COG6: variants seen among roughly 807,000 people sequenced by gnomAD.
The protein encoded by COG6 is component of oligomeric golgi complex 6.
A neutral mutation model predicts 88.8 loss-of-function variants in COG6; 74 were observed. That is an observed-to-expected ratio of 0.83 (90% confidence interval 0.69 to 1.01). The LOEUF is 1.01. Among genes scored for constraint, COG6 ranks in the 50% least tolerant of loss-of-function variants. The pLI is 0.00. For synonymous variants in COG6, 286 were observed against 278.7 expected (o/e 1.03, Z -0.26); for missense variants, 800 against 797.9 (o/e 1.00, Z -0.03).
chr13:39,697,867 A>G (rs778185812), intron 12 of COG6, among the ~76,000 whole-genome samples: 1 of 151,932 alleles, frequency 6.6e-6, no homozygotes, highest in Non-Finnish European at 1.5e-5. Flanking sequence ...ATAGTTATTT[A>G]CCAGAACTCT....
chr13:39,679,650 T>A (rs1180242346), intron 6 of COG6, 30 bp downstream of exon 6: 1 of 1,354,850 alleles, frequency 7.4e-7, no homozygotes, highest in Admixed American at 1.7e-5. Flanking sequence ...ACTAATTGCA[T>A]TGCTGCTTAT....
intron 18 of COG6, among the ~76,000 whole-genome samples, chr13:39,741,290 C>A (rs995074360): frequency 6.6e-6 from 1 of 151,906 alleles, no homozygotes; most frequent in Admixed American, 6.6e-5. Flanking sequence ...TTCAGAAAGT[C>A]GATAATAACA....
At position 39,659,813 on chromosome 13, in the gene COG6, C is replaced by T. The variant is rs530506934; in HGVS notation, c.297+306C>T. 2.0e-5 allele frequency among the ~76,000 whole-genome samples: 3 copies of T among 152,196 alleles called. 1 individual carries two copies. The South Asian group carries it at 6.2e-4, about 32-fold the overall frequency. On this transcript the variant is annotated intron_variant, in intron 2 of 18. Transcript: ENST00000455146. Reference sequence around the variant, plus strand: ...CTGAATGGCTTTCCAATAGAAATATCCCCTCATTGCATAAACCTCTCTTGG... The same window carrying T: ...CTGAATGGCTTTCCAATAGAAATATTCCCTCATTGCATAAACCTCTCTTGG...
At chr13:39,703,656 A>G (rs1445986868) in intron 13 of COG6, among the ~76,000 whole-genome samples, 1 of 152,130 alleles carries the variant, frequency 6.6e-6, no homozygotes, top group Non-Finnish European at 1.5e-5. Context: ...TTTAGAATTT[A>G]ATATATAATA....
At chr13:39,735,537 C>T (rs1476155163) in intron 18 of COG6, among the ~76,000 whole-genome samples, 1 of 152,084 alleles carries the variant, frequency 6.6e-6, no homozygotes, top group Non-Finnish European at 1.5e-5. Context: ...GAGTAGTTTA[C>T]ACACCATGGT....
At chr13:39,670,271 T>G (rs549483815) in intron 4 of COG6, among the ~76,000 whole-genome samples, 1 of 152,234 alleles carries the variant, frequency 6.6e-6, no homozygotes, top group South Asian at 2.1e-4. Flanking sequence ...TGAACATACC[T>G]TTGTATTTTT....
At chr13:39,693,479 T>C (rs1326327208) in intron 11 of COG6, among the ~76,000 whole-genome samples, 1 of 152,018 alleles carries the variant, frequency 6.6e-6, no homozygotes, top group Non-Finnish European at 1.5e-5. Context: ...TTTGCTGTAA[T>C]AATTATATTA....
At chr13:39,655,994 G>A in intron 1 of COG6, 115 bp downstream of exon 1, 1 of 1,305,540 alleles carries the variant, frequency 7.7e-7, no homozygotes, top group Non-Finnish European at 1.1e-6. Context: ...CAGAGGGACC[G>A]CGAGTGACCC....
intron 11 of COG6, among the ~76,000 whole-genome samples, chr13:39,690,275 T>G (rs539694648): frequency 1.4e-4 from 22 of 152,138 alleles, no homozygotes; most frequent in South Asian, 4.1e-4. Flanking sequence ...CTGTTTATAG[T>G]GCAAGGAACA....
chr13:39,778,145 A>T (rs910359957), intron 18 of COG6, among the ~76,000 whole-genome samples: 7 of 152,242 alleles, frequency 4.6e-5, no homozygotes, highest in Non-Finnish European at 8.8e-5. Context: ...TATAAAAAAT[A>T]GTTAATACTT....
At chr13:39,709,528 T>C (rs1365637668) in intron 13 of COG6, among the ~76,000 whole-genome samples, 1 of 151,010 alleles carries the variant, frequency 6.6e-6, no homozygotes, top group Non-Finnish European at 1.5e-5. Flanking sequence ...CTCCCACTTA[T>C]AAGAACATGC....
At chr13:39,720,240 T>C (rs1260005734) in intron 15 of COG6, among the ~76,000 whole-genome samples, 2 of 152,128 alleles carry the variant, frequency 1.3e-5, no homozygotes, top group Non-Finnish European at 2.9e-5. Context: ...AGGACAGATA[T>C]ATTTTTATCT....
At chr13:39,747,488 G>T (rs1880407370) in intron 18 of COG6, among the ~76,000 whole-genome samples, 1 of 151,724 alleles carries the variant, frequency 6.6e-6, no homozygotes, top group South Asian at 2.1e-4. Context: ...TTATCCAGCG[G>T]CTTTGCTTTC....
intron 18 of COG6, among the ~76,000 whole-genome samples, chr13:39,780,013 AC>A (rs1223484804): frequency 6.6e-6 from 1 of 152,198 alleles, no homozygotes; most frequent in Non-Finnish European, 1.5e-5. Flanking sequence ...TAGAATTTTA[AC>A]CCATGCAGGA....
chr13:39,672,430 A>G (rs1875706051), intron 4 of COG6, among the ~76,000 whole-genome samples: 2 of 152,056 alleles, frequency 1.3e-5, no homozygotes, highest in African/African-American at 4.8e-5. Context: ...GTAGTTATCC[A>G]GCCTTAGTGA....
intron 18 of COG6, among the ~76,000 whole-genome samples, chr13:39,778,056 G>A (rs1284011335): frequency 6.6e-6 from 1 of 152,120 alleles, no homozygotes; most frequent in Non-Finnish European, 1.5e-5. Context: ...ACACATTATA[G>A]GAAATAACTA....
rs1452840754 is a variant in COG6 at position 39,752,111 on chromosome 13, T to C, written c.*1018T>C. The C allele has an allele frequency of 3.9e-6, 5 of 1,277,630 alleles. No individual in the cohort carries two copies. The highest frequency in any genetic ancestry group is 5.1e-6 in the Non-Finnish European group (5 of 982,364). 79.1% of individuals were successfully genotyped at this position (1,277,630 alleles called of 1,614,324 possible). ...AAAAATGACTGTATTTTTAAAGGAA[T>C]AAATCCCAGTGTGCCTGATTTGACA... On this transcript the variant is annotated 3_prime_UTR_variant, in exon 19 of 19. Transcript: ENST00000455146.
chr13:39,768,703 G>A (rs1417002814), intron 18 of COG6, among the ~76,000 whole-genome samples: 4 of 151,880 alleles, frequency 2.6e-5, no homozygotes, highest in Non-Finnish European at 5.9e-5. Flanking sequence ...TTGTAATTAC[G>A]TGATATCTGC....
At chr13:39,737,868 G>T (rs1342392838) in intron 18 of COG6, among the ~76,000 whole-genome samples, 1 of 152,094 alleles carries the variant, frequency 6.6e-6, no homozygotes, top group South Asian at 2.1e-4. Flanking sequence ...ACTAGTGCTG[G>T]TCTAAATGCT....
Sources: allele counts gnomAD v4.1 joint callset (sites outside exome capture counted in the v4.1 genomes callset), GRCh38; gene constraint gnomAD v4.1.1; transcripts MANE v1.5; gene names NCBI Gene and HGNC (gene_info 2026-07-23, HGNC 2026-07-21).